Variants in FHAD1 observed in about 807,000 individuals in gnomAD.
FHAD1 encodes the protein forkhead-associated domain-containing protein 1.
Under a neutral mutation model 191.3 loss-of-function variants are expected in FHAD1, and 146 were observed. The observed-to-expected ratio is 0.76, with a 90% confidence interval of 0.67 to 0.88. FHAD1 has a LOEUF of 0.88. FHAD1 is among the 40% of genes least tolerant of loss of function. The pLI is 0.00. For missense variants in FHAD1, 1,635 were observed against 1,785.8 expected, an observed-to-expected ratio of 0.92 and a Z score of 1.52; for synonymous variants, 616 against 672.3, an observed-to-expected ratio of 0.92 and a Z score of 1.29.
upstream of FHAD1, among the ~76,000 whole-genome samples, chr1:15,244,010 T>TG (rs377107561): frequency 1.3e-5 from 2 of 152,248 alleles, no homozygotes; most frequent in African/African-American, 4.8e-5. This position sits in a 1 kb window ranked among gnomAD's most constrained non-coding sequence, Gnocchi z 5.1. Flanking sequence ...AAAGGTTAAC[T>TG]GTAGGCACTG....
At chr1:15,322,123 T>C (rs781395918) in intron 10 of FHAD1, among the ~76,000 whole-genome samples, 7 of 152,226 alleles carry the variant, frequency 4.6e-5, no homozygotes, top group Admixed American at 1.3e-4. Context: ...TTCATTTTTA[T>C]TTATCTTATT....
intron 22 of FHAD1, among the ~76,000 whole-genome samples, chr1:15,361,492 CCT>C (rs1694796183): frequency 6.6e-6 from 1 of 152,098 alleles, no homozygotes; most frequent in African/African-American, 2.4e-5. Context: ...TCAGGACTTA[CCT>C]CATTCATTCA....
chr1:15,397,640 A>G lies in FHAD1; in HGVS notation c.*227A>G. The G allele has an allele frequency of 3.1e-6, 1 of 322,268 alleles. No homozygotes were observed. 20.0% of individuals were successfully genotyped at this position (322,268 alleles called of 1,614,324 possible). Reference sequence around the variant, plus strand: ...GAATGTACACGAACTCAGGTATATGAAGAATAGAAGTGTGTAACCCAGATG... The same window carrying G: ...GAATGTACACGAACTCAGGTATATGGAGAATAGAAGTGTGTAACCCAGATG... On this transcript the variant is annotated 3_prime_UTR_variant, in exon 34 of 34. Transcript: ENST00000688493.
At chr1:15,395,499 G>T (rs1705636361) in intron 33 of FHAD1, among the ~76,000 whole-genome samples, 1 of 152,064 alleles carries the variant, frequency 6.6e-6, no homozygotes, top group Non-Finnish European at 1.5e-5. Context: ...AGTTCAAAGG[G>T]CCAGCCCAGG....
intron 2 of FHAD1, among the ~76,000 whole-genome samples, chr1:15,271,462 GA>G (rs1655950191): frequency 1.3e-5 from 2 of 152,208 alleles, no homozygotes; most frequent in Non-Finnish European, 2.9e-5. Flanking sequence ...TGAAATTACA[GA>G]GGAGCTTCTG....
At chr1:15,275,792 T>C (rs1658136498) in intron 3 of FHAD1, among the ~76,000 whole-genome samples, 1 of 152,210 alleles carries the variant, frequency 6.6e-6, no homozygotes, top group Non-Finnish European at 1.5e-5. Flanking sequence ...TTGTCTCTTA[T>C]TGATTCTTTG....
At chr1:15,273,136 A>G (rs1415284714) in intron 3 of FHAD1, among the ~76,000 whole-genome samples, 1 of 152,130 alleles carries the variant, frequency 6.6e-6, no homozygotes, top group Admixed American at 6.5e-5. Context: ...GGAGATTCTA[A>G]TTTTGTGACT....
At chr1:15,259,035 A>G (rs1055530883) in intron 2 of FHAD1, among the ~76,000 whole-genome samples, 2 of 152,292 alleles carry the variant, frequency 1.3e-5, no homozygotes, top group South Asian at 2.1e-4. Context: ...TCCCAGCAAC[A>G]GTGCATAAGG....
chr1:15,386,424 C>G (rs1702101289), intron 31 of FHAD1, among the ~76,000 whole-genome samples: 1 of 152,256 alleles, frequency 6.6e-6, no homozygotes, highest in South Asian at 2.1e-4. Context: ...AGCCAAGAAA[C>G]AGCTGACACT....
chr1:15,246,635 G>A (rs1223557840), upstream of FHAD1, among the ~76,000 whole-genome samples: 1 of 152,180 alleles, frequency 6.6e-6, no homozygotes, highest in Non-Finnish European at 1.5e-5. Context: ...GATGTTTGCA[G>A]AGATAGAGAA....
rs929219240 is a variant in FHAD1, at chr1:15,368,760, A to G, written c.3315-610A>G. On this transcript the variant is annotated intron_variant, in intron 25 of 33. Transcript: ENST00000688493. ...TTTGAGACTAGCCTGGCCAACATAT[A>G]GTGAAACCCTGTCTCTACTAAAAAT... 3.9e-5 allele frequency among the ~76,000 whole-genome samples: 6 copies of G among 152,274 alleles called. No homozygotes were observed. In the East Asian group the frequency reaches 1.2e-3, roughly 29 times the overall value.
At chr1:15,245,073 A>C (rs1330331376), upstream of FHAD1, among the ~76,000 whole-genome samples, 1 of 152,194 alleles carries the variant, frequency 6.6e-6, no homozygotes, top group African/African-American at 2.4e-5. Context: ...TCTAACAATC[A>C]GCTCTTTAGG....
intron 33 of FHAD1, among the ~76,000 whole-genome samples, chr1:15,392,384 T>A (rs1704340705): frequency 6.6e-6 from 1 of 152,014 alleles, no homozygotes. Flanking sequence ...TACAAAAAAT[T>A]AGCTGGGCAT....
intron 10 of FHAD1, among the ~76,000 whole-genome samples, chr1:15,323,683 G>T (rs571815649): frequency 6.0e-4 from 91 of 152,314 alleles, no homozygotes; most frequent in African/African-American, 2.1e-3. Context: ...TCATGGTTCA[G>T]ACATGAACTG....
chr1:15,307,649 CT>C (rs1670916052), intron 6 of FHAD1, among the ~76,000 whole-genome samples: 1 of 152,204 alleles, frequency 6.6e-6, no homozygotes, highest in South Asian at 2.1e-4. Flanking sequence ...TCCACTTTTG[CT>C]TTTTCGTCAT....
chr1:15,293,508 G>C (rs518943), intron 4 of FHAD1, among the ~76,000 whole-genome samples: 1 of 151,972 alleles, frequency 6.6e-6, no homozygotes, highest in Non-Finnish European at 1.5e-5. Flanking sequence ...TCACAAGGTC[G>C]GGAGTCTGAG....
intron 33 of FHAD1, among the ~76,000 whole-genome samples, chr1:15,391,561 C>T (rs1704053867): frequency 6.6e-6 from 1 of 152,132 alleles, no homozygotes; most frequent in Non-Finnish European, 1.5e-5. Context: ...ACAAATCAGC[C>T]CTGGAACTGG....
intron 18 of FHAD1, among the ~76,000 whole-genome samples, chr1:15,347,687 G>C (rs557437439): frequency 2.0e-5 from 3 of 152,234 alleles, no homozygotes; most frequent in Non-Finnish European, 1.5e-5. Context: ...GGCCTCAAGT[G>C]ATCTGCCTGC....
chr1:15,324,587 T>C (rs1368579597), intron 11 of FHAD1, 28 bp downstream of exon 11: 1 of 1,466,202 alleles, frequency 6.8e-7, no homozygotes, highest in Non-Finnish European at 9.4e-7. Context: ...CCCCCCTCAT[T>C]GGCCCACGCT....
Sources: gnomAD v4.1 joint callset for allele counts (sites outside exome capture counted in the v4.1 genomes callset) on GRCh38, gnomAD v4.1.1 for gene constraint, Gnocchi (gnomAD v3.1) non-coding constraint, MANE v1.5 for transcripts, NCBI Gene and HGNC (gene_info 2026-07-23, HGNC 2026-07-21) for gene names.